Variants in GLI2 observed in about 807,000 individuals in gnomAD.
GLI2 encodes GLI family zinc finger 2.
GLI2 carries 22 observed loss-of-function variants against 78.9 expected under a neutral mutation model. The ratio of observed to expected loss-of-function variants is 0.28; its 90% CI spans 0.20 to 0.40. The LOEUF is 0.40. Ranked by LOEUF, GLI2 falls within the 10% of genes least tolerant of loss-of-function variation. The pLI, the probability that GLI2 is intolerant of heterozygous loss-of-function variation, is 1.00. For missense variants in GLI2, 2,097 were observed against 2,213.2 expected (o/e 0.95, Z 1.05); for synonymous variants, 974 against 963.7 (o/e 1.01, Z -0.20).
chr2:120,832,806 T>C (rs1686427859), intron 2 of GLI2, among the ~76,000 whole-genome samples: 1 of 151,826 alleles, frequency 6.6e-6, no homozygotes, highest in Admixed American at 6.6e-5. Context: ...AGAGGACGGG[T>C]GGGCTGTTAG....
rs757022100 is a variant in GLI2, at chr2:120,986,299, G to A, written c.1927G>A (p.Ala643Thr). Residue 643 changes from alanine to threonine, a missense_variant, in exon 13 of 14, where the codon GCC becomes ACC. Physicochemically the swap from Ala to Thr is moderately conservative, Grantham distance 58. Transcript: ENST00000361492. Reference sequence around the variant, plus strand: ...GCAGCTGTGTCAGTCCAGCCCCGGGGCCCAGTCGTCCTGCAGCAGCGAGCC... The same window carrying A: ...GCAGCTGTGTCAGTCCAGCCCCGGGACCCAGTCGTCCTGCAGCAGCGAGCC... ...SSGLCQSSPG[A>T]QSSCSSEPSP... 5 of 1,613,202 alleles carry A rather than the reference G, an allele frequency of 3.1e-6. No homozygotes were observed. The highest frequency in any genetic ancestry group is 4.2e-6 in the Non-Finnish European group (5 of 1,179,998).
At chr2:120,769,733 G>A (rs576279260) in intron 1 of GLI2, among the ~76,000 whole-genome samples, 15 of 152,214 alleles carry the variant, frequency 9.9e-5, no homozygotes, top group Non-Finnish European at 1.9e-4. Flanking sequence ...GCTTCTGTGT[G>A]CATTTGCTTG....
chr2:120,887,314 C>A (rs546342330), intron 2 of GLI2, among the ~76,000 whole-genome samples: 2 of 152,344 alleles, frequency 1.3e-5, no homozygotes, highest in East Asian at 3.9e-4. Flanking sequence ...AATATTCCCC[C>A]ACAGTGAACC....
chr2:120,962,930 C>A (rs558629666), intron 5 of GLI2, among the ~76,000 whole-genome samples: 27 of 152,250 alleles, frequency 1.8e-4, no homozygotes, highest in African/African-American at 6.5e-4. Context: ...CTCACATTAC[C>A]GTATTTGCCA....
At chr2:120,802,166 C>G (rs1261776086) in intron 2 of GLI2, among the ~76,000 whole-genome samples, 2 of 152,156 alleles carry the variant, frequency 1.3e-5, no homozygotes, top group Non-Finnish European at 2.9e-5. Context: ...GCCTGACTTC[C>G]CCTAGGAGTC....
chr2:120,839,205 A>G (rs891616847), intron 2 of GLI2, among the ~76,000 whole-genome samples: 4 of 150,100 alleles, frequency 2.7e-5, no homozygotes, highest in Non-Finnish European at 5.9e-5. Flanking sequence ...ATATATTTGT[A>G]TATGTTCATA....
At chr2:120,943,092 C>G (rs1680541989) in intron 3 of GLI2, among the ~76,000 whole-genome samples, 1 of 152,222 alleles carries the variant, frequency 6.6e-6, no homozygotes, top group Non-Finnish European at 1.5e-5. Context: ...ATACAGGAGA[C>G]AGGAGGCCTG....
intron 3 of GLI2, 114 bp from the exon 4 acceptor site, chr2:120,951,129 G>A (rs1163942964): frequency 6.6e-6 from 5 of 757,432 alleles, no homozygotes; most frequent in East Asian, 4.9e-5. Flanking sequence ...ATAAGTGCAG[G>A]TTGTTCTGGA....
chr2:120,829,198 C>T (rs893698093), intron 2 of GLI2, among the ~76,000 whole-genome samples: 2 of 152,196 alleles, frequency 1.3e-5, no homozygotes, highest in Non-Finnish European at 2.9e-5. Flanking sequence ...TGCACACATT[C>T]GCATGCACAC....
intron 2 of GLI2, among the ~76,000 whole-genome samples, chr2:120,857,343 G>GA (rs1687694904): frequency 1.0e-5 from 1 of 99,628 alleles, no homozygotes; most frequent in Admixed American, 1.1e-4. Flanking sequence ...CTACCCATCT[G>GA]CCCACCCACC....
intron 3 of GLI2, among the ~76,000 whole-genome samples, chr2:120,929,121 G>T (rs1679829220): frequency 6.6e-6 from 1 of 152,176 alleles, no homozygotes; most frequent in African/African-American, 2.4e-5. Flanking sequence ...GTTTGGGTTT[G>T]CCTGATTGAT....
intron 1 of GLI2, among the ~76,000 whole-genome samples, chr2:120,758,627 A>T (rs1454988646): frequency 6.6e-6 from 1 of 152,238 alleles, no homozygotes; most frequent in Non-Finnish European, 1.5e-5. Flanking sequence ...GCTCAGCTAC[A>T]CAGTGGAAAA....
chr2:120,808,914 C>T (rs538086410), intron 2 of GLI2, among the ~76,000 whole-genome samples: 2 of 152,152 alleles, frequency 1.3e-5, no homozygotes, highest in South Asian at 4.1e-4. Flanking sequence ...GTGGAGCTTC[C>T]CAGCTGCCCA....
intron 5 of GLI2, among the ~76,000 whole-genome samples, 163 bp from the exon 6 acceptor site, chr2:120,968,551 C>A: frequency 6.6e-6 from 1 of 152,200 alleles, no homozygotes; most frequent in East Asian, 1.9e-4. Context: ...CAAACTGAGG[C>A]CGAGAGGTGA....
chr2:120,967,987 A>C (rs1558922586), intron 5 of GLI2, among the ~76,000 whole-genome samples: 1 of 152,160 alleles, frequency 6.6e-6, no homozygotes, highest in Non-Finnish European at 1.5e-5. Context: ...ATGCCCTATC[A>C]GGGGGCACTT....
chr2:120,974,920 T>A, intron 8 of GLI2, 55 bp from the exon 9 acceptor site: 3 of 1,614,158 alleles, frequency 1.9e-6, no homozygotes, highest in Non-Finnish European at 1.7e-6. Context: ...CGACCTCTTT[T>A]CAGGGCCAGG....
At chr2:120,875,636 C>G (rs1273647551) in intron 2 of GLI2, among the ~76,000 whole-genome samples, 1 of 152,224 alleles carries the variant, frequency 6.6e-6, no homozygotes, top group African/African-American at 2.4e-5. Context: ...TATTCCTCTT[C>G]TTCGCCTCAG....
At chr2:120,822,472 A>G (rs1369864950) in intron 2 of GLI2, among the ~76,000 whole-genome samples, 2 of 152,154 alleles carry the variant, frequency 1.3e-5, no homozygotes, top group African/African-American at 4.8e-5. Context: ...AATTAATACC[A>G]AGAGAGATGG....
chr2:120,757,705 G>A (rs1293474517), intron 1 of GLI2, among the ~76,000 whole-genome samples: 1 of 152,140 alleles, frequency 6.6e-6, no homozygotes, highest in Non-Finnish European at 1.5e-5. Context: ...TTCTTACCCT[G>A]GTCTCCCTCC....
Sources: gnomAD v4.1 joint callset for allele counts (sites outside exome capture counted in the v4.1 genomes callset) on GRCh38, gnomAD v4.1.1 for gene constraint, MANE v1.5 for transcripts, NCBI Gene and HGNC (gene_info 2026-07-23, HGNC 2026-07-21) for gene names.